Variants in RBBP5 observed in about 807,000 individuals in gnomAD.
RBBP5 encodes the protein RB binding protein 5, histone lysine methyltransferase complex subunit.
A neutral mutation model predicts 72.2 loss-of-function variants in RBBP5; 5 were observed. That is an observed-to-expected ratio of 0.07 (90% CI 0.04 to 0.15). RBBP5 has a LOEUF of 0.15. Among genes scored for constraint, RBBP5 ranks in the 10% least tolerant of loss-of-function variants. The pLI, the probability that RBBP5 is intolerant of heterozygous loss-of-function variation, is 1.00. For missense variants in RBBP5, 322 were observed against 652.2 expected (o/e 0.49, Z 5.51); for synonymous variants, 209 against 237.2 (o/e 0.88, Z 1.09).
rs763461148 is a variant in RBBP5, at chr1:205,115,899, G to A, written c.20-16C>T. On this transcript the variant is annotated splice_polypyrimidine_tract_variant and intron_variant, in intron 1 of 13. Coordinates refer to ENST00000264515, the MANE Select transcript of RBBP5 (RefSeq NM_005057.4). ...CCAAAGGACTCTGCAACAAAGCAAA[G>A]AAAGAGTTGATGGCACATGTACCAC... The A allele has an allele frequency of 1.9e-6, 3 of 1,613,438 alleles. No homozygotes were observed. The highest frequency in any genetic ancestry group is 4.5e-5 in the East Asian group (2 of 44,850).
intron 3 of RBBP5, among the ~76,000 whole-genome samples, chr1:205,113,134 CA>C (rs1490382523): frequency 6.6e-6 from 1 of 152,024 alleles, no homozygotes; most frequent in East Asian, 1.9e-4. Flanking sequence ...GCAACAACAA[CA>C]AAAATCTATA....
chr1:205,100,392 T>A, intron 6 of RBBP5, 121 bp from the exon 7 acceptor site: 1 of 1,227,666 alleles, frequency 8.1e-7, no homozygotes, highest in Non-Finnish European at 1.1e-6. Context: ...AGAATATTTA[T>A]ATATCTACTT....
chr1:205,105,895 T>C (rs1433789561), intron 3 of RBBP5, among the ~76,000 whole-genome samples: 1 of 152,106 alleles, frequency 6.6e-6, no homozygotes, highest in Non-Finnish European at 1.5e-5. Flanking sequence ...CAGCCAAACA[T>C]CACAGAAAAG....
In RBBP5 at chr1:205,097,394, C is replaced by T; in HGVS notation, c.1098G>A (p.Gly366=). The T allele has an allele frequency of 6.4e-7, 1 of 1,552,372 alleles. No individual in the cohort carries two copies. The change falls in exon 11 of 14, where the codon GGG becomes GGA. Residue 366 remains glycine, a splice_region_variant and synonymous_variant. Coordinates refer to ENST00000264515, the MANE Select transcript of RBBP5 (RefSeq NM_005057.4). The part of the protein sequence containing the change: ...DEDKSEPEQT[G]ADAAEDEEVD... ...CTTCCTCATCTTCTGCAGCATCAGC[C>T]CCTGCAGGACAGAAACACAGGAGAT...
chr1:205,095,103 A>C, intron 12 of RBBP5, 39 bp from the exon 13 acceptor site: 1 of 1,593,372 alleles, frequency 6.3e-7, no homozygotes, highest in Non-Finnish European at 8.6e-7. Flanking sequence ...TCCACATGAC[A>C]CCAGTCTCAT....
chr1:205,116,273 GATTT>G (rs1656515899), intron 1 of RBBP5: 1 of 371,464 alleles, frequency 2.7e-6, no homozygotes, highest in Non-Finnish European at 5.3e-6. Flanking sequence ...ACATGTAATG[GATTT>G]ATTATGGTTA....
In RBBP5 at chr1:205,107,052, A is replaced by ATGTG. The variant is rs373075505; in HGVS notation, c.219-1885_219-1884insCACA. Among the ~76,000 whole-genome samples the ATGTG allele has an allele frequency of 4.0e-3, 596 of 150,340 alleles. 5 individuals carry two copies. The highest frequency in any genetic ancestry group is 0.012 in the East Asian group (60 of 5,144). On this transcript the variant is annotated intron_variant, in intron 3 of 13. Transcript: ENST00000264515. ...TGTCTGTGTGTATATATGTGTGTAT[A>ATGTG]TGTATGTGTGTGTGTGTGTATACAT... is the stretch of plus-strand genomic sequence containing the variant.
chr1:205,115,776 G>C (rs1392971443), intron 2 of RBBP5, 82 bp downstream of exon 2: 3 of 1,415,046 alleles, frequency 2.1e-6, no homozygotes, highest in Non-Finnish European at 1.9e-6. Flanking sequence ...CAAAACACAA[G>C]GATCAAAAAG....
Position 205,094,919 on chromosome 1 carries a change from T to G in RBBP5, c.1542A>C (p.Gly514=), listed in dbSNP as rs1464575540. The G allele has an allele frequency of 1.2e-6, 2 of 1,614,180 alleles. No individual in the cohort carries two copies. Among genetic ancestry groups the G allele is most frequent in the South Asian group, 2.2e-5 (2 of 91,080 alleles). The change falls in exon 13 of 14, where the codon GGA becomes GGC. Residue 514 remains glycine, a synonymous_variant. Coordinates refer to ENST00000264515, the MANE Select transcript of RBBP5 (RefSeq NM_005057.4). ...YKGDRGLPLE[G]SAKGKVQAEL... Reference sequence around the variant, plus strand: ...CCGCCTGCACTTTACCCTTCGCTGATCCTTCCAGAGGTAAACCTCTGTCCC... The same window carrying G: ...CCGCCTGCACTTTACCCTTCGCTGAGCCTTCCAGAGGTAAACCTCTGTCCC...
At chr1:205,110,161 A>T (rs1453400759) in intron 3 of RBBP5, among the ~76,000 whole-genome samples, 2 of 151,852 alleles carry the variant, frequency 1.3e-5, no homozygotes, top group African/African-American at 4.8e-5. Context: ...CTGGGATTAC[A>T]GGCGCATGTC....
intron 3 of RBBP5, among the ~76,000 whole-genome samples, chr1:205,113,839 C>G (rs1280797725): frequency 6.6e-6 from 1 of 152,106 alleles, no homozygotes; most frequent in African/African-American, 2.4e-5. Flanking sequence ...CACCCGCCAA[C>G]ATGCCTGGCG....
chr1:205,100,545 G>A (rs533637501), intron 6 of RBBP5, among the ~76,000 whole-genome samples: 1 of 152,234 alleles, frequency 6.6e-6, no homozygotes, highest in South Asian at 2.1e-4. Context: ...AAATTCCCAA[G>A]TTTACAGTGA....
In RBBP5 at chr1:205,101,726, G is replaced by C. The variant is rs1253995505; in HGVS notation, c.523-17C>G. On this transcript the variant is annotated splice_polypyrimidine_tract_variant and intron_variant, in intron 5 of 13. Transcript: ENST00000264515. ...GACCAAAATCTAAAGTTTAAAGGAG[G>C]GGGGAAAAAAGTAAGTGTTCCAATA... 1.3e-6 allele frequency: 2 copies of C among 1,568,290 alleles called. No individual in the cohort carries two copies.
At chr1:205,101,358 A>T (rs1041610357) in intron 6 of RBBP5, among the ~76,000 whole-genome samples, 4 of 152,208 alleles carry the variant, frequency 2.6e-5, no homozygotes, top group African/African-American at 9.6e-5. Context: ...TTTGGTTTTA[A>T]GCACTGACCA....
chr1:205,104,128 A>C (rs139486143), intron 4 of RBBP5, 109 bp from the exon 5 acceptor site: 1 of 1,182,036 alleles, frequency 8.5e-7, no homozygotes, highest in African/African-American at 1.5e-5. Flanking sequence ...CTCCCACCCA[A>C]GCAAATTTGA....
chr1:205,091,732 C>G (rs745744816), intron 13 of RBBP5: 2 of 152,170 alleles, frequency 1.3e-5, no homozygotes, highest in Non-Finnish European at 2.9e-5. Flanking sequence ...AGTAACACAG[C>G]CTACAACTAT....
At chr1:205,119,145 C>T (rs1197552074) in intron 1 of RBBP5, among the ~76,000 whole-genome samples, 2 of 152,196 alleles carry the variant, frequency 1.3e-5, no homozygotes, top group Admixed American at 6.5e-5. Flanking sequence ...GTAATCCCAG[C>T]ACTTTCAGAG....
At chr1:205,109,254 G>A (rs1350431173) in intron 3 of RBBP5, among the ~76,000 whole-genome samples, 1 of 151,968 alleles carries the variant, frequency 6.6e-6, no homozygotes, top group Non-Finnish European at 1.5e-5. Context: ...ATGATAGGAG[G>A]GTAAAAGGGT....
At position 205,097,382 on chromosome 1, in the gene RBBP5, T is replaced by C; in HGVS notation, c.1110A>G (p.Ala370=). The stretch of plus-strand genomic sequence containing the variant: ...TGGTGACATCCACTTCCTCATCTTC[T>C]GCAGCATCAGCCCCTGCAGGACAGA... ...SEPEQTGADA[A]EDEEVDVTSV... The change falls in exon 11 of 14, where the codon GCA becomes GCG. Residue 370 remains alanine (A), a synonymous_variant. Coordinates refer to ENST00000264515, the MANE Select transcript of RBBP5 (RefSeq NM_005057.4). 2 of 1,552,702 alleles carry C rather than the reference T, an allele frequency of 1.3e-6. No homozygotes were observed. The highest frequency in any genetic ancestry group is 8.7e-7 in the Non-Finnish European group (1 of 1,147,404).
Sources: allele counts gnomAD v4.1 joint callset (sites outside exome capture counted in the v4.1 genomes callset), GRCh38; gene constraint gnomAD v4.1.1; transcripts MANE v1.5; gene names NCBI Gene and HGNC (gene_info 2026-07-23, HGNC 2026-07-21).